SDAD1: variants seen among roughly 807,000 people sequenced by gnomAD.
SDAD1 encodes the protein SDA1 domain containing 1.
SDAD1 carries 79 observed loss-of-function variants against 100.3 expected under a neutral mutation model. The observed-to-expected ratio is 0.79, with a 90% CI of 0.66 to 0.95. The LOEUF (loss-of-function observed/expected upper bound fraction) is 0.95, where lower values mean the gene tolerates loss of function less well. Among genes scored for constraint, SDAD1 ranks in the 40% least tolerant of loss-of-function variants. SDAD1 has a pLI of 0.00. For missense variants in SDAD1, 790 were observed against 810.9 expected, an observed-to-expected ratio of 0.97 and a Z score of 0.31; for synonymous variants, 267 against 271.4, an observed-to-expected ratio of 0.98 and a Z score of 0.16.
At chr4:75,970,241 C>A (rs1218668667) in intron 10 of SDAD1, 68 bp downstream of exon 10, 3 of 1,330,026 alleles carry the variant, frequency 2.3e-6, no homozygotes, top group South Asian at 1.2e-5. Context: ...CCCTGAAAAC[C>A]CCAAAGGCAG....
chr4:75,981,501 G>A, intron 2 of SDAD1, 31 bp from the exon 3 acceptor site: 1 of 1,612,496 alleles, frequency 6.2e-7, no homozygotes, highest in South Asian at 1.1e-5. Context: ...TTCTGAAGTT[G>A]CTCTCTTTCT....
intron 1 of SDAD1, among the ~76,000 whole-genome samples, chr4:75,982,638 C>T (rs947968821): frequency 2.0e-5 from 3 of 151,892 alleles, no homozygotes; most frequent in South Asian, 4.2e-4. Context: ...AACACGGAGG[C>T]CCTGTCTCAC....
At chr4:75,977,778 C>T (rs747066053) in intron 3 of SDAD1, 22 bp from the exon 4 acceptor site, 2 of 1,415,716 alleles carry the variant, frequency 1.4e-6, no homozygotes, top group Admixed American at 3.5e-5. Context: ...AAAAAACATA[C>T]CATAAGACAA....
At chr4:75,963,052 C>T (rs1729336987) in intron 14 of SDAD1, among the ~76,000 whole-genome samples, 2 of 152,176 alleles carry the variant, frequency 1.3e-5, no homozygotes, top group African/African-American at 4.8e-5. Context: ...TTTAATCCAT[C>T]TTGAATTAAT....
At chr4:75,972,929 G>A (rs907785195) in intron 8 of SDAD1, among the ~76,000 whole-genome samples, 28 of 152,094 alleles carry the variant, frequency 1.8e-4, no homozygotes, top group Admixed American at 5.9e-4. Context: ...GCTGAGGCAG[G>A]AGAACGGCAT....
At chr4:75,969,428 TTG>T (rs757258690) in intron 10 of SDAD1, 29 bp from the exon 11 acceptor site, 1 of 1,468,478 alleles carries the variant, frequency 6.8e-7, no homozygotes, top group South Asian at 1.1e-5. Context: ...AAGAAGTACA[TTG>T]TGAGTCTATG....
chr4:75,981,474 T>C lies in SDAD1; in HGVS notation c.196-4A>G. ...ACTCTGGGTAGCAGTGACTAATCTG[T>C]AACAAAGCAAAGGCTCTTCTGAAGT... On this transcript the variant is annotated splice_region_variant and splice_polypyrimidine_tract_variant and intron_variant, in intron 2 of 21. Transcript: ENST00000356260. The C allele has an allele frequency of 6.2e-7, 1 of 1,613,812 alleles. No individual in the cohort carries two copies. The highest frequency in any genetic ancestry group is 1.7e-5 in the Admixed American group (1 of 60,022).
intron 21 of SDAD1, among the ~76,000 whole-genome samples, chr4:75,955,485 C>T (rs530287928): frequency 2.0e-5 from 3 of 152,186 alleles, no homozygotes; most frequent in South Asian, 4.1e-4. Flanking sequence ...CCTGGGAGGT[C>T]GAGGCTGCAG....
At chr4:75,985,003 T>C (rs1730803589) in intron 1 of SDAD1, among the ~76,000 whole-genome samples, 1 of 152,168 alleles carries the variant, frequency 6.6e-6, no homozygotes, top group Non-Finnish European at 1.5e-5. Flanking sequence ...ATGCTTCAGA[T>C]AGAACCACTT....
intron 14 of SDAD1, 121 bp downstream of exon 14, chr4:75,964,014 T>C (rs1052185116): frequency 4.6e-6 from 3 of 658,042 alleles, no homozygotes; most frequent in Non-Finnish European, 7.9e-6. Context: ...AAGACTGAAA[T>C]ATATTTTAAA....
chr4:75,957,481 A>G, intron 19 of SDAD1, 37 bp downstream of exon 19: 1 of 1,612,094 alleles, frequency 6.2e-7, no homozygotes, highest in Non-Finnish European at 8.5e-7. Context: ...TTACCACATG[A>G]GCTGACTGAA....
In SDAD1 at chr4:75,950,145, G is replaced by A. The variant is rs531686774; in HGVS notation, c.*605C>T. On this transcript the variant is annotated 3_prime_UTR_variant, in exon 22 of 22. Transcript: ENST00000356260. The stretch of plus-strand genomic sequence containing the variant: ...AAACAAAAAAAACACGGGGGGGGGG[G>A]GGTCACTTAAATCTCTTGGATTGAC... 7.8e-6 allele frequency: 1 copy of A among 128,778 alleles called. No homozygotes were observed. The highest frequency in any genetic ancestry group is 2.8e-5 in the African/African-American group (1 of 35,466). 8.0% of individuals were successfully genotyped at this position (128,778 alleles called of 1,614,324 possible).
chr4:75,981,535 T>C (rs1298571460), intron 2 of SDAD1, 65 bp from the exon 3 acceptor site: 3 of 1,604,732 alleles, frequency 1.9e-6, no homozygotes, highest in Non-Finnish European at 8.5e-7. Context: ...GATGCATACA[T>C]TTAGGATGTT....
chr4:75,960,798 G>T (rs188312130), intron 16 of SDAD1, among the ~76,000 whole-genome samples: 8 of 152,322 alleles, frequency 5.3e-5, no homozygotes, highest in Admixed American at 6.5e-5. Context: ...CTTTCAAGCT[G>T]AAACAGCCTG....
chr4:75,964,461 C>G (rs1729424828), intron 13 of SDAD1, among the ~76,000 whole-genome samples: 1 of 152,212 alleles, frequency 6.6e-6, no homozygotes, highest in African/African-American at 2.4e-5. Flanking sequence ...ATATTCTTGA[C>G]CTCCCCTAGT....
chr4:75,954,551 T>C (rs768769865), intron 21 of SDAD1, among the ~76,000 whole-genome samples: 2 of 152,128 alleles, frequency 1.3e-5, no homozygotes, highest in African/African-American at 2.4e-5. Context: ...CAGACGCCTG[T>C]AGTCCCAGCT....
chr4:75,979,835 T>TA lies in SDAD1; in HGVS notation c.294+1536dup, dbSNP rs971489814. ...ATATACATACACATTTTTTTCCATT[T>TA]AAAAAAAAATTTAGAGGTGGGATCT... On this transcript the variant is annotated intron_variant, in intron 3 of 21. Transcript: ENST00000356260. Among the ~76,000 whole-genome samples, 15 of 151,738 alleles carry TA rather than the reference T, an allele frequency of 9.9e-5. No individual in the cohort carries two copies. In the East Asian group the frequency reaches 2.3e-3, roughly 23 times the overall value.
intron 1 of SDAD1, among the ~76,000 whole-genome samples, chr4:75,990,278 C>CG (rs1731167332): frequency 2.1e-5 from 3 of 144,284 alleles, no homozygotes; most frequent in African/African-American, 5.3e-5. Context: ...TGAGAAACCC[C>CG]CCCCCCCCCT....
At chr4:75,961,577 G>GTA (rs146731394) in intron 14 of SDAD1, among the ~76,000 whole-genome samples, 2,247 of 152,074 alleles carry the variant, frequency 0.015, 53 homozygotes, top group African/African-American at 0.052. Flanking sequence ...CCAACTCTAA[G>GTA]AAGAGATGGG....
Sources: gnomAD v4.1 joint callset for allele counts (sites outside exome capture counted in the v4.1 genomes callset) on GRCh38, gnomAD v4.1.1 for gene constraint, MANE v1.5 for transcripts, NCBI Gene and HGNC (gene_info 2026-07-23, HGNC 2026-07-21) for gene names.